PREX2: variants seen among roughly 807,000 people sequenced by gnomAD.
PREX2 encodes the protein phosphatidylinositol 3,4,5-trisphosphate-dependent Rac exchanger 2 protein.
In PREX2, 107 loss-of-function variants were observed where a neutral mutation model predicts 203.2. The ratio of observed to expected loss-of-function variants is 0.53; its 90% CI spans 0.45 to 0.62. The LOEUF (loss-of-function observed/expected upper bound fraction) is 0.62. Ranked by LOEUF, PREX2 falls within the 20% of genes least tolerant of loss-of-function variation. PREX2 has a pLI of 0.00. For synonymous variants in PREX2, 672 were observed against 663.6 expected, an observed-to-expected ratio of 1.01 and a Z score of -0.19; for missense variants, 1,777 against 1,955.9, an observed-to-expected ratio of 0.91 and a Z score of 1.72.
At chr8:68,058,595 G>A (rs927056861) in intron 10 of PREX2, among the ~76,000 whole-genome samples, 1 of 139,086 alleles carries the variant, frequency 7.2e-6, no homozygotes, top group Admixed American at 7.3e-5. Flanking sequence ...CACCACACCC[G>A]GCTGATTTTT....
At chr8:68,142,295 C>T (rs2129613581) in intron 33 of PREX2, among the ~76,000 whole-genome samples, 1 of 152,228 alleles carries the variant, frequency 6.6e-6, no homozygotes, top group East Asian at 1.9e-4. Context: ...TTCCTCCTCC[C>T]TCCCACTCTG....
rs531993379 is a variant in PREX2, at chr8:68,233,433, A to G, written c.*2055A>G. The G allele has an allele frequency of 6.6e-6, 1 of 152,142 alleles. No individual in the cohort carries two copies. The highest frequency in any genetic ancestry group is 6.5e-5 in the Admixed American group (1 of 15,272). The allele number at this position is 152,142 out of a possible 1,614,324, so 9.4% of individuals were successfully genotyped here. ...GCTAACATATTTTATATTTTTAAGG[A>G]TCTACTTTCTTCATAATAGAATGTG... On this transcript the variant is annotated 3_prime_UTR_variant, in exon 40 of 40. Coordinates refer to ENST00000288368, the MANE Select transcript of PREX2 (RefSeq NM_024870.4).
At position 68,080,485 on chromosome 8, in the gene PREX2, G is replaced by T; in HGVS notation, c.1685G>T (p.Arg562Leu). The change falls in exon 16 of 40, where the codon CGT becomes CTT. Residue 562 changes from arginine to leucine, a missense_variant. By Grantham distance (102) the Arg-to-Leu change is moderately radical. Transcript: ENST00000288368. ...SEFKDEPLLFRFFSDEEMEGS... is the reference protein window; with the variant it reads ...SEFKDEPLLFLFFSDEEMEGS... ...TTCAAAGATGAACCCCTACTTTTCC[G>T]TTTTTTTTCGGATGAGGAAATGGAG... 1 of 1,610,670 alleles carries T rather than the reference G, an allele frequency of 6.2e-7. No individual in the cohort carries two copies. The highest frequency in any genetic ancestry group is 1.1e-5 in the South Asian group (1 of 90,608).
At chr8:68,124,500 TAGG>T (rs1481407156) in intron 30 of PREX2, among the ~76,000 whole-genome samples, 4 of 151,502 alleles carry the variant, frequency 2.6e-5, no homozygotes, top group Non-Finnish European at 5.9e-5. Context: ...AGGTGAAGGG[TAGG>T]AGGAGGGAGA....
chr8:68,142,259 A>G (rs1443387150), intron 33 of PREX2, among the ~76,000 whole-genome samples: 1 of 152,104 alleles, frequency 6.6e-6, no homozygotes, highest in African/African-American at 2.4e-5. Flanking sequence ...TTACTGCCCT[A>G]AAATCCCATA....
At chr8:68,058,155 T>C (rs977375313) in intron 10 of PREX2, among the ~76,000 whole-genome samples, 23 of 152,202 alleles carry the variant, frequency 1.5e-4, no homozygotes, top group African/African-American at 5.3e-4. Flanking sequence ...GTAGGCCCAA[T>C]GATAAAGCCA....
At chr8:68,148,714 A>G (rs1811374932) in intron 34 of PREX2, among the ~76,000 whole-genome samples, 1 of 152,274 alleles carries the variant, frequency 6.6e-6, no homozygotes, top group Non-Finnish European at 1.5e-5. Flanking sequence ...GCAGCAAAAT[A>G]TGAAAAATGA....
intron 35 of PREX2, among the ~76,000 whole-genome samples, chr8:68,178,340 A>G (rs944602566): frequency 9.2e-5 from 14 of 152,018 alleles, no homozygotes; most frequent in African/African-American, 3.4e-4. Flanking sequence ...ATGGTATCTC[A>G]TTGTGGTTTT....
rs1042159064 is a variant in PREX2 at position 68,228,736 on chromosome 8, A to G, written c.4776-2597A>G. ...AGCCGAGACTGCGCCACTGCACTCCAGCCTGGACGACAGAGCGAGACTCCG... is the reference window on the plus strand; with the variant it reads ...AGCCGAGACTGCGCCACTGCACTCCGGCCTGGACGACAGAGCGAGACTCCG... On this transcript the variant is annotated intron_variant, in intron 39 of 39. Coordinates refer to ENST00000288368, the MANE Select transcript of PREX2 (RefSeq NM_024870.4). Among the ~76,000 whole-genome samples, 13 of 151,960 alleles carry G rather than the reference A, an allele frequency of 8.6e-5. No individual in the cohort carries two copies. The South Asian group carries it at 1.2e-3, about 15-fold the overall frequency.
At position 68,087,519 on chromosome 8, in the gene PREX2, T is replaced by C. The variant is rs1019237754; in HGVS notation, c.2028-205T>C. ...CCAATGTTCCTTTTTCAGGCTTTAC[T>C]GTGTAACGACTGTGTTCAGTTTAGA... On this transcript the variant is annotated intron_variant, in intron 18 of 39. Coordinates refer to ENST00000288368, the MANE Select transcript of PREX2 (RefSeq NM_024870.4). Among the ~76,000 whole-genome samples, 8 of 152,220 alleles carry C rather than the reference T, an allele frequency of 5.3e-5. No homozygotes were observed. The East Asian group carries it at 1.5e-3, about 29-fold the overall frequency.
chr8:67,988,088 C>T (rs1806488630), intron 1 of PREX2, among the ~76,000 whole-genome samples: 1 of 152,222 alleles, frequency 6.6e-6, no homozygotes, highest in South Asian at 2.1e-4. Context: ...AATATCTGAA[C>T]ACCTCTACCT....
intron 9 of PREX2, among the ~76,000 whole-genome samples, chr8:68,055,156 T>C (rs1412850195): frequency 6.6e-6 from 1 of 152,190 alleles, no homozygotes; most frequent in African/African-American, 2.4e-5. Flanking sequence ...TTTCCTGCAC[T>C]ACCCTACCTT....
chr8:68,013,304 A>G (rs1054039952), intron 1 of PREX2, among the ~76,000 whole-genome samples: 2 of 152,084 alleles, frequency 1.3e-5, no homozygotes, highest in Non-Finnish European at 1.5e-5. Context: ...TTTTCTCTAT[A>G]TATATGCTTT....
intron 1 of PREX2, among the ~76,000 whole-genome samples, chr8:67,989,013 G>A (rs1189543061): frequency 1.3e-5 from 2 of 152,140 alleles, no homozygotes; most frequent in African/African-American, 4.8e-5. Flanking sequence ...ACTGTTTTGT[G>A]ACCTCTGCCT....
chr8:67,980,829 G>GT (rs1402458609), intron 1 of PREX2, among the ~76,000 whole-genome samples: 1 of 152,194 alleles, frequency 6.6e-6, no homozygotes, highest in East Asian at 1.9e-4. Flanking sequence ...TGTCATGATC[G>GT]TAAGTTTCCT....
intron 6 of PREX2, among the ~76,000 whole-genome samples, chr8:68,034,199 A>G (rs1413182292): frequency 6.6e-6 from 1 of 152,142 alleles, no homozygotes; most frequent in Non-Finnish European, 1.5e-5. Context: ...TATTAGTATA[A>G]TTTATTATAT....
chr8:68,133,480 A>G (rs949093589), intron 31 of PREX2, among the ~76,000 whole-genome samples: 1 of 152,234 alleles, frequency 6.6e-6, no homozygotes, highest in Non-Finnish European at 1.5e-5. Flanking sequence ...ATTCTTATAT[A>G]TTAGAACATA....
chr8:68,062,532 A>G (rs554868507), intron 11 of PREX2, among the ~76,000 whole-genome samples: 85 of 152,268 alleles, frequency 5.6e-4, no homozygotes, highest in African/African-American at 1.5e-3. Flanking sequence ...TCTTTCTTCA[A>G]CGCTCCAAGA....
chr8:68,019,400 G>C, intron 2 of PREX2, 149 bp from the exon 3 acceptor site: 3 of 574,412 alleles, frequency 5.2e-6, no homozygotes, highest in Non-Finnish European at 8.6e-6. Context: ...GCGTGAAGGG[G>C]AAGTCCAGAC....
Sources: allele counts gnomAD v4.1 joint callset (sites outside exome capture counted in the v4.1 genomes callset), GRCh38; gene constraint gnomAD v4.1.1; transcripts MANE v1.5; gene names NCBI Gene and HGNC (gene_info 2026-07-23, HGNC 2026-07-21).